ADAM9: variants seen among roughly 807,000 people sequenced by gnomAD.
ADAM9 encodes the protein disintegrin and metalloproteinase domain-containing protein 9.
Under a neutral mutation model 108.1 loss-of-function variants are expected in ADAM9, and 54 were observed. The ratio of observed to expected loss-of-function variants is 0.50; its 90% CI spans 0.40 to 0.63. The LOEUF is 0.63. Ranked by LOEUF, ADAM9 falls within the 20% of genes least tolerant of loss-of-function variation. The pLI is 0.00. For synonymous variants in ADAM9, 316 were observed against 336.0 expected, an observed-to-expected ratio of 0.94 and a Z score of 0.65; for missense variants, 830 against 997.7, an observed-to-expected ratio of 0.83 and a Z score of 2.26.
intron 12 of ADAM9, among the ~76,000 whole-genome samples, chr8:39,054,269 A>G (rs984192175): frequency 2.6e-5 from 4 of 152,192 alleles, no homozygotes; most frequent in African/African-American, 9.6e-5. Flanking sequence ...GGCACATACT[A>G]TATGATTTCT....
chr8:39,030,009 A>G (rs1837049340), intron 11 of ADAM9, among the ~76,000 whole-genome samples: 1 of 152,052 alleles, frequency 6.6e-6, no homozygotes, highest in Non-Finnish European at 1.5e-5. Flanking sequence ...CCTCCCATAT[A>G]CTTTCTGTCC....
At chr8:39,045,118 G>A (rs540615742) in intron 12 of ADAM9, among the ~76,000 whole-genome samples, 2,813 of 71,770 alleles carry the variant, frequency 0.039, 533 homozygotes, top group South Asian at 0.065. Context: ...ACATACATAT[G>A]TGTGTGTGCA....
intron 11 of ADAM9, among the ~76,000 whole-genome samples, chr8:39,040,403 T>C (rs1296088170): frequency 6.6e-6 from 1 of 152,186 alleles, no homozygotes; most frequent in East Asian, 1.9e-4. Context: ...TATTTCATTG[T>C]GGTTTTGATT....
chr8:39,061,674 G>A (rs1044745741), intron 14 of ADAM9, among the ~76,000 whole-genome samples: 1 of 151,876 alleles, frequency 6.6e-6, no homozygotes, highest in African/African-American at 2.4e-5. Context: ...CATCTGATGA[G>A]GGTCGTTTTG....
intron 12 of ADAM9, among the ~76,000 whole-genome samples, chr8:39,045,386 G>GTA (rs1837697486): frequency 7.3e-6 from 1 of 137,292 alleles, no homozygotes; most frequent in Non-Finnish European, 1.6e-5. Context: ...ACACCTATAG[G>GTA]TGTGTGTACA....
At chr8:39,072,532 T>C (rs981888167) in intron 15 of ADAM9, among the ~76,000 whole-genome samples, 5 of 152,190 alleles carry the variant, frequency 3.3e-5, no homozygotes, top group African/African-American at 1.2e-4. Flanking sequence ...TCTTCTCCCC[T>C]GACCCCATGT....
At chr8:39,028,750 G>A (rs1837005104) in intron 11 of ADAM9, among the ~76,000 whole-genome samples, 1 of 152,114 alleles carries the variant, frequency 6.6e-6, no homozygotes, top group African/African-American at 2.4e-5. Context: ...TTTACATCTG[G>A]GGGGAAGACA....
chr8:39,057,463 G>C (rs369200510), intron 14 of ADAM9, among the ~76,000 whole-genome samples: 32 of 147,976 alleles, frequency 2.2e-4, no homozygotes, highest in African/African-American at 7.4e-4. Flanking sequence ...TAAATCCTGC[G>C]TAATAGCATG....
intron 20 of ADAM9, among the ~76,000 whole-genome samples, chr8:39,097,633 T>TA (rs1181781142): frequency 7.9e-5 from 12 of 152,058 alleles, no homozygotes; most frequent in Admixed American, 6.6e-5. Flanking sequence ...GTCTTTTTTT[T>TA]AAAAAAATTC....
At chr8:39,000,686 C>T (rs1360169402) in intron 1 of ADAM9, among the ~76,000 whole-genome samples, 1 of 152,056 alleles carries the variant, frequency 6.6e-6, no homozygotes, top group Non-Finnish European at 1.5e-5. Flanking sequence ...AGGCTGGTCT[C>T]GAACTCCTGG....
At chr8:39,055,341 A>G (rs186658329) in intron 13 of ADAM9, among the ~76,000 whole-genome samples, 127 of 152,170 alleles carry the variant, frequency 8.3e-4, no homozygotes, top group African/African-American at 3.0e-3. Flanking sequence ...GGGTTCTTGT[A>G]TTTTTATTTA....
At chr8:39,011,603 T>C in intron 2 of ADAM9, 55 bp from the exon 3 acceptor site, 1 of 1,512,586 alleles carries the variant, frequency 6.6e-7, no homozygotes, top group South Asian at 1.1e-5. Flanking sequence ...TGAGATGTTG[T>C]TGAAAAGTAA....
At chr8:39,015,263 CTGAGT>C (rs1310110499) in intron 4 of ADAM9, 1 of 152,208 alleles carries the variant, frequency 6.6e-6, no homozygotes, top group Non-Finnish European at 1.5e-5. Context: ...GGAAACTTAA[CTGAGT>C]TAATACTTAC....
chr8:39,050,670 C>T (rs1345938692), intron 12 of ADAM9, among the ~76,000 whole-genome samples: 1 of 151,998 alleles, frequency 6.6e-6, no homozygotes, highest in East Asian at 1.9e-4. Flanking sequence ...GTTATACTGC[C>T]TTTTCTATTG....
At chr8:39,061,131 G>C (rs1838285550) in intron 14 of ADAM9, among the ~76,000 whole-genome samples, 1 of 152,202 alleles carries the variant, frequency 6.6e-6, no homozygotes, top group African/African-American at 2.4e-5. Flanking sequence ...TCAAGTCCTT[G>C]ATGTTGACAC....
At position 39,018,771 on chromosome 8, in the gene ADAM9, A is replaced by G. The variant is rs902293551; in HGVS notation, c.607-82A>G. ...TAATTTTATGATGTTCTTAGCAGAC[A>G]TGAAATAAGTGATGAGAGATTAGGA... On this transcript the variant is annotated intron_variant, in intron 6 of 21. Transcript: ENST00000487273. 7.2e-5 allele frequency: 85 copies of G among 1,185,644 alleles called. 1 individual carries two copies. Among genetic ancestry groups the G allele is most frequent in the Admixed American group, 2.4e-4 (14 of 59,030 alleles). 73.4% of individuals were successfully genotyped at this position (1,185,644 alleles called of 1,614,324 possible).
chr8:39,077,223 T>C lies in ADAM9; in HGVS notation c.1698-5T>C. On this transcript the variant is annotated splice_region_variant and splice_polypyrimidine_tract_variant and intron_variant, in intron 15 of 21. Coordinates refer to ENST00000487273, the MANE Select transcript of ADAM9 (RefSeq NM_003816.3). ...TTATGTTGCATTATTTCTCTCTCTTTATAGGAATGCTTTGTGTGGAAAGCT... is the reference window on the plus strand; with the variant it reads ...TTATGTTGCATTATTTCTCTCTCTTCATAGGAATGCTTTGTGTGGAAAGCT... The C allele has an allele frequency of 1.9e-6, 3 of 1,613,974 alleles. No homozygotes were observed. Among genetic ancestry groups the C allele is most frequent in the East Asian group, 2.2e-5 (1 of 44,878 alleles).
intron 12 of ADAM9, among the ~76,000 whole-genome samples, chr8:39,049,743 G>T (rs1837895469): frequency 6.6e-6 from 1 of 152,004 alleles, no homozygotes; most frequent in African/African-American, 2.4e-5. Context: ...CCGGCCTATA[G>T]TTACATTTTA....
chr8:39,004,702 A>T (rs1836107183), intron 1 of ADAM9, among the ~76,000 whole-genome samples: 1 of 152,182 alleles, frequency 6.6e-6, no homozygotes, highest in Non-Finnish European at 1.5e-5. Flanking sequence ...GGGGTGGATT[A>T]TTCATGAGTT....
Sources: gnomAD v4.1 joint callset for allele counts (sites outside exome capture counted in the v4.1 genomes callset) on GRCh38, gnomAD v4.1.1 for gene constraint, MANE v1.5 for transcripts, NCBI Gene and HGNC (gene_info 2026-07-23, HGNC 2026-07-21) for gene names.